Variants in LRBA observed in about 807,000 individuals in gnomAD.
LRBA encodes the protein lipopolysaccharide-responsive and beige-like anchor protein.
LRBA carries 176 observed loss-of-function variants against 330.0 expected under a neutral mutation model. That is an observed-to-expected ratio of 0.53 (90% CI 0.47 to 0.60). LRBA has a LOEUF of 0.60. Ranked by LOEUF, LRBA falls within the 20% of genes least tolerant of loss-of-function variation. LRBA has a pLI of 0.00. For synonymous variants in LRBA, 1,230 were observed against 1,193.0 expected (o/e 1.03, Z -0.64); for missense variants, 3,259 against 3,444.8 (o/e 0.95, Z 1.35).
chr4:150,791,541 A>T (rs1368590529), intron 34 of LRBA, among the ~76,000 whole-genome samples: 1 of 152,224 alleles, frequency 6.6e-6, no homozygotes, highest in Non-Finnish European at 1.5e-5. Flanking sequence ...TACCAGAAGC[A>T]GACATAAAGA....
intron 28 of LRBA, among the ~76,000 whole-genome samples, chr4:150,841,972 A>C (rs568032196): frequency 1.3e-5 from 2 of 152,186 alleles, no homozygotes; most frequent in South Asian, 4.2e-4. Flanking sequence ...TTCCTTTTTC[A>C]TCATAGGTTC....
chr4:150,430,427 G>GTC (rs1750223274), intron 46 of LRBA, among the ~76,000 whole-genome samples: 1 of 152,084 alleles, frequency 6.6e-6, no homozygotes, highest in Non-Finnish European at 1.5e-5. Context: ...CTCATGATTG[G>GTC]TCCTGAATCT....
At chr4:150,904,869 C>T (rs1224113890) in intron 13 of LRBA, among the ~76,000 whole-genome samples, 2 of 152,010 alleles carry the variant, frequency 1.3e-5, no homozygotes, top group Non-Finnish European at 2.9e-5. Context: ...GCAAAAAAGT[C>T]TGCAGACTTT....
intron 47 of LRBA, among the ~76,000 whole-genome samples, chr4:150,355,431 T>C (rs1244743975): frequency 6.6e-6 from 1 of 151,956 alleles, no homozygotes; most frequent in Admixed American, 6.6e-5. Flanking sequence ...TACCACTCCA[T>C]TAAAAAAAGA....
At chr4:150,996,408 T>C (rs1321479063) in intron 2 of LRBA, among the ~76,000 whole-genome samples, 1 of 152,134 alleles carries the variant, frequency 6.6e-6, no homozygotes, top group East Asian at 1.9e-4. Context: ...AAAACACAAG[T>C]AATACAGGTT....
intron 2 of LRBA, among the ~76,000 whole-genome samples, chr4:150,990,469 T>C (rs898783254): frequency 2.6e-5 from 4 of 152,168 alleles, no homozygotes; most frequent in Non-Finnish European, 2.9e-5. Context: ...GACTCATGCC[T>C]GTAATCCCAG....
At chr4:150,448,594 G>A (rs1348710458) in intron 44 of LRBA, among the ~76,000 whole-genome samples, 1 of 152,012 alleles carries the variant, frequency 6.6e-6, no homozygotes, top group Non-Finnish European at 1.5e-5. Flanking sequence ...TGGAGGTTAG[G>A]AGTTAGAGAT....
At chr4:150,576,912 G>A (rs1413758572) in intron 40 of LRBA, among the ~76,000 whole-genome samples, 2 of 151,804 alleles carry the variant, frequency 1.3e-5, no homozygotes, top group Non-Finnish European at 3.0e-5. Context: ...ATACCCTTGG[G>A]TTACTAATCA....
chr4:150,847,184 ATTTCT>A (rs1316267498), intron 26 of LRBA, among the ~76,000 whole-genome samples: 5 of 152,122 alleles, frequency 3.3e-5, no homozygotes, highest in African/African-American at 7.2e-5. Context: ...AAGTTTCCCA[ATTTCT>A]TTTATCTTCA....
intron 54 of LRBA, among the ~76,000 whole-genome samples, chr4:150,285,177 ACT>A (rs1580896642): frequency 6.6e-6 from 1 of 152,178 alleles, no homozygotes; most frequent in Non-Finnish European, 1.5e-5. Flanking sequence ...TGATCCAAAT[ACT>A]CTGTTTCCCC....
chr4:150,780,633 A>ATATATATATATACATATATATACACG (rs1738051114), intron 34 of LRBA, among the ~76,000 whole-genome samples: 2 of 118,790 alleles, frequency 1.7e-5, no homozygotes, highest in African/African-American at 6.3e-5. Flanking sequence ...ATATACACGT[A>ATATATATATATACATATATATACACG]TATATATATA....
chr4:150,725,301 A>T (rs1178774696), intron 36 of LRBA, among the ~76,000 whole-genome samples: 1 of 152,128 alleles, frequency 6.6e-6, no homozygotes, highest in Non-Finnish European at 1.5e-5. Context: ...GCATCTAATA[A>T]TCTAAAGGTC....
At chr4:150,766,172 A>G (rs1735739192) in intron 34 of LRBA, among the ~76,000 whole-genome samples, 1 of 152,036 alleles carries the variant, frequency 6.6e-6, no homozygotes, top group Admixed American at 6.6e-5. Context: ...TGTTCTCATT[A>G]ATTTTTTCAA....
chr4:150,981,897 A>T (rs1740889106), intron 2 of LRBA, among the ~76,000 whole-genome samples: 1 of 148,828 alleles, frequency 6.7e-6, no homozygotes, highest in African/African-American at 2.5e-5. Context: ...CGGGAGGCGG[A>T]GGTTGCAGGG....
At chr4:150,440,954 CT>C (rs1213995236) in intron 44 of LRBA, among the ~76,000 whole-genome samples, 1 of 151,916 alleles carries the variant, frequency 6.6e-6, no homozygotes, top group Non-Finnish European at 1.5e-5. Flanking sequence ...ATAATGATAT[CT>C]TTCAAAACAG....
chr4:150,516,215 C>CTTTTTTTTTTTTTTTTTTTTTT lies in LRBA; in HGVS notation c.6331-25181_6331-25180insAAAAAAAAAAAAAAAAAAAAAA, dbSNP rs1384014823. On this transcript the variant is annotated intron_variant, in intron 40 of 56. Coordinates refer to ENST00000651943, the MANE Select transcript of LRBA (RefSeq NM_001364905.1). ...GTAATTCAGTCTGACATTTTCTATTCTCTTTTTTTTTTTTTTTTTTTTTTT... is the reference window on the plus strand; with the variant it reads ...GTAATTCAGTCTGACATTTTCTATTCTTTTTTTTTTTTTTTTTTTTTTTCTTTTTTTTTTTTTTTTTTTTTTT... 6.9e-5 allele frequency among the ~76,000 whole-genome samples: 6 copies of CTTTTTTTTTTTTTTTTTTTTTT among 86,712 alleles called. 3 individuals carry two copies. Among genetic ancestry groups the CTTTTTTTTTTTTTTTTTTTTTT allele is most frequent in the African/African-American group, 9.2e-5 (2 of 21,806 alleles). 56.9% of individuals were successfully genotyped at this position (86,712 alleles called of 152,430 possible).
intron 28 of LRBA, among the ~76,000 whole-genome samples, chr4:150,842,772 C>T (rs890037388): frequency 2.0e-5 from 3 of 152,148 alleles, no homozygotes; most frequent in African/African-American, 7.2e-5. Context: ...AAGCACATTA[C>T]TTAAATATTG....
rs1208786856 is a variant in LRBA at position 150,921,251 on chromosome 4, G to A, written c.592C>T (p.Pro198Ser). 1 of 1,613,232 alleles carries A rather than the reference G, an allele frequency of 6.2e-7. No homozygotes were observed. Among genetic ancestry groups the A allele is most frequent in the African/African-American group, 1.3e-5 (1 of 74,880 alleles). The change falls in exon 5 of 57, where the codon CCT (proline) becomes TCT (serine). Residue 198 changes from proline to serine, a missense_variant. Transcript: ENST00000651943. ...AAGGCATCAGGACCATACTTCTGAG[G>A]CATATGCTTTAACACAGACAGCAAC... Reference protein sequence around the residue: ...GKLLSVLKHMPQKYGPDAFFN... With the variant: ...GKLLSVLKHMSQKYGPDAFFN...
intron 47 of LRBA, among the ~76,000 whole-genome samples, chr4:150,357,324 G>A (rs1332800672): frequency 6.6e-6 from 1 of 151,934 alleles, no homozygotes; most frequent in African/African-American, 2.4e-5. Flanking sequence ...TCAACCAGCT[G>A]TTATATATTT....
Sources: allele counts gnomAD v4.1 joint callset (sites outside exome capture counted in the v4.1 genomes callset), GRCh38; gene constraint gnomAD v4.1.1; transcripts MANE v1.5; gene names NCBI Gene and HGNC (gene_info 2026-07-23, HGNC 2026-07-21).